LRRC4C: variants seen among roughly 807,000 people sequenced by gnomAD.
The protein encoded by LRRC4C is leucine-rich repeat-containing protein 4C.
Under a neutral mutation model 33.6 loss-of-function variants are expected in LRRC4C, and 5 were observed. The ratio of observed to expected loss-of-function variants is 0.15; its 90% CI spans 0.08 to 0.31. LRRC4C has a LOEUF of 0.31. Among genes scored for constraint, LRRC4C ranks in the 10% least tolerant of loss-of-function variants. LRRC4C has a pLI of 1.00. For missense variants in LRRC4C, 560 were observed against 796.7 expected, an observed-to-expected ratio of 0.70 and a Z score of 3.58; for synonymous variants, 329 against 302.0, an observed-to-expected ratio of 1.09 and a Z score of -0.93.
At chr11:41,193,309 C>T (rs1747012243) in intron 1 of LRRC4C, among the ~76,000 whole-genome samples, 1 of 152,046 alleles carries the variant, frequency 6.6e-6, no homozygotes, top group Admixed American at 6.6e-5. Context: ...CTACTTGCTC[C>T]TAAAAACCAT....
chr11:40,459,957 A>C (rs1952315318), intron 3 of LRRC4C, among the ~76,000 whole-genome samples: 1 of 152,188 alleles, frequency 6.6e-6, no homozygotes, highest in Non-Finnish European at 1.5e-5. Flanking sequence ...TATAGACAAA[A>C]GCCTTTCACT....
At chr11:40,351,224 TATG>T (rs1184937419) in intron 3 of LRRC4C, among the ~76,000 whole-genome samples, 1 of 152,032 alleles carries the variant, frequency 6.6e-6, no homozygotes. Flanking sequence ...TTTCTCTTGT[TATG>T]ATGATTTCTA....
chr11:40,880,863 GTATATATATATATATATATGTATACA>G (rs1955140819), intron 2 of LRRC4C, among the ~76,000 whole-genome samples: 1 of 145,598 alleles, frequency 6.9e-6, no homozygotes. Flanking sequence ...ATGTGTGTGT[GTATATATATATATATATATGTATACA>G]CATATATTTT....
chr11:41,222,282 A>G (rs543551112), intron 1 of LRRC4C, among the ~76,000 whole-genome samples: 1 of 152,304 alleles, frequency 6.6e-6, no homozygotes, highest in East Asian at 1.9e-4. Flanking sequence ...ATCACTTAAC[A>G]GCTGGTGATA....
chr11:40,624,494 G>T (rs1427483329), intron 3 of LRRC4C, among the ~76,000 whole-genome samples: 6 of 152,094 alleles, frequency 3.9e-5, no homozygotes, highest in Non-Finnish European at 1.5e-5. Context: ...ATCATTGATA[G>T]ATACCAAGTC....
At chr11:40,693,504 G>A (rs1256997447) in intron 2 of LRRC4C, among the ~76,000 whole-genome samples, 1 of 151,954 alleles carries the variant, frequency 6.6e-6, no homozygotes, top group Non-Finnish European at 1.5e-5. Context: ...TCTGCAGGGG[G>A]TAGGTAATCT....
At chr11:41,198,400 G>T (rs1946270019) in intron 1 of LRRC4C, among the ~76,000 whole-genome samples, 1 of 151,984 alleles carries the variant, frequency 6.6e-6, no homozygotes, top group Non-Finnish European at 1.5e-5. Context: ...GAAAGTGAAA[G>T]TAAGAAAGTA....
intron 3 of LRRC4C, among the ~76,000 whole-genome samples, chr11:40,555,101 T>C (rs1396012748): frequency 6.6e-6 from 1 of 152,220 alleles, no homozygotes; most frequent in Non-Finnish European, 1.5e-5. Flanking sequence ...ACATTGATTT[T>C]GTATCCTGAA....
At chr11:41,274,229 A>G (rs1949409048) in intron 1 of LRRC4C, among the ~76,000 whole-genome samples, 1 of 152,138 alleles carries the variant, frequency 6.6e-6, no homozygotes, top group Admixed American at 6.6e-5. Flanking sequence ...TTCGAGTTTC[A>G]TTTCACGTAG....
chr11:41,222,927 T>G (rs1318157308), intron 1 of LRRC4C: 1 of 151,996 alleles, frequency 6.6e-6, no homozygotes, highest in Non-Finnish European at 1.5e-5. Flanking sequence ...TAGACGGTCT[T>G]GAACAAATTA....
At chr11:41,386,362 AT>A (rs1953360214) in intron 1 of LRRC4C, among the ~76,000 whole-genome samples, 1 of 151,686 alleles carries the variant, frequency 6.6e-6, no homozygotes, top group South Asian at 2.1e-4. Context: ...AGTTTCAAAA[AT>A]AGTATAGAGA....
intron 3 of LRRC4C, among the ~76,000 whole-genome samples, chr11:40,329,714 A>AGTTACTT (rs1282092502): frequency 2.7e-5 from 4 of 150,596 alleles, no homozygotes; most frequent in African/African-American, 9.8e-5. Flanking sequence ...ACCACTTGGT[A>AGTTACTT]GTTACTTTCT....
At chr11:40,549,336 A>G (rs1565495126) in intron 3 of LRRC4C, among the ~76,000 whole-genome samples, 1 of 152,144 alleles carries the variant, frequency 6.6e-6, no homozygotes, top group Non-Finnish European at 1.5e-5. Context: ...ACTAGATTTA[A>G]GACAACCAGG....
chr11:40,210,498 T>G (rs370062411), intron 5 of LRRC4C, among the ~76,000 whole-genome samples: 2 of 152,138 alleles, frequency 1.3e-5, no homozygotes, highest in Non-Finnish European at 2.9e-5. Context: ...AGTGTTCAGC[T>G]TTCTATTTTG....
intron 3 of LRRC4C, among the ~76,000 whole-genome samples, chr11:40,488,671 T>C (rs1010063322): frequency 1.3e-5 from 2 of 152,058 alleles, no homozygotes; most frequent in Non-Finnish European, 2.9e-5. Flanking sequence ...TTTGGATTCT[T>C]ACGTGACTAA....
intron 2 of LRRC4C, among the ~76,000 whole-genome samples, chr11:40,703,593 T>C (rs1012297540): frequency 2.0e-5 from 3 of 151,986 alleles, no homozygotes; most frequent in African/African-American, 7.2e-5. Context: ...TTTACAGCCT[T>C]ACACACTTGG....
chr11:40,774,881 A>G (rs1370965608), intron 2 of LRRC4C, among the ~76,000 whole-genome samples: 4 of 152,188 alleles, frequency 2.6e-5, no homozygotes, highest in South Asian at 4.1e-4. Context: ...AACTGCTGGG[A>G]ATTTAGACCA....
chr11:40,224,006 A>T (rs1486842396), intron 5 of LRRC4C, among the ~76,000 whole-genome samples: 1 of 152,194 alleles, frequency 6.6e-6, no homozygotes, highest in Non-Finnish European at 1.5e-5. Context: ...GCACTGAGAT[A>T]TGTAGTTTGT....
At chr11:40,854,771 CAT>C (rs1410701937) in intron 2 of LRRC4C, among the ~76,000 whole-genome samples, 1 of 150,800 alleles carries the variant, frequency 6.6e-6, no homozygotes, top group African/African-American at 2.4e-5. Flanking sequence ...ATTTTATACA[CAT>C]ATATAATGTA....
Sources: gnomAD v4.1 joint callset for allele counts (sites outside exome capture counted in the v4.1 genomes callset) on GRCh38, gnomAD v4.1.1 for gene constraint, MANE v1.5 for transcripts, NCBI Gene and HGNC (gene_info 2026-07-23, HGNC 2026-07-21) for gene names.